The following SEC22A variants were observed in gnomAD, a reference collection of about 807,000 sequenced individuals.
SEC22A encodes the protein vesicle-trafficking protein SEC22a.
SEC22A carries 22 observed loss-of-function variants against 35.3 expected under a neutral mutation model. That is an observed-to-expected ratio of 0.62 (90% CI 0.45 to 0.89). The LOEUF (loss-of-function observed/expected upper bound fraction) is 0.89, where lower values mean the gene tolerates loss of function less well. Ranked by LOEUF, SEC22A falls within the 40% of genes least tolerant of loss-of-function variation. SEC22A has a pLI of 0.00. For synonymous variants in SEC22A, 119 were observed against 129.5 expected (o/e 0.92, Z 0.55); for missense variants, 354 against 362.5 (o/e 0.98, Z 0.19).
chr3:123,213,099 G>C (rs1936966095), intron 2 of SEC22A, among the ~76,000 whole-genome samples: 1 of 152,146 alleles, frequency 6.6e-6, no homozygotes, highest in East Asian at 1.9e-4. Context: ...TCAGAGCCAT[G>C]CATAGAAAAA....
chr3:123,236,711 T>C (rs1244226721), intron 4 of SEC22A, among the ~76,000 whole-genome samples: 2 of 152,202 alleles, frequency 1.3e-5, no homozygotes, highest in African/African-American at 2.4e-5. Context: ...CTTCAAATTA[T>C]GTCTACAACA....
chr3:123,224,042 G>C (rs1937177728), intron 3 of SEC22A, among the ~76,000 whole-genome samples: 1 of 152,170 alleles, frequency 6.6e-6, no homozygotes, highest in African/African-American at 2.4e-5. Context: ...ATGTAGAATA[G>C]GGGATGGCAA....
chr3:123,269,429 T>C (rs1684892400), intron 6 of SEC22A, among the ~76,000 whole-genome samples: 1 of 151,952 alleles, frequency 6.6e-6, no homozygotes, highest in South Asian at 2.1e-4. Context: ...AGACAATAAT[T>C]GCAAAGGGAA....
intron 2 of SEC22A, among the ~76,000 whole-genome samples, chr3:123,218,623 T>G (rs1040920085): frequency 1.3e-5 from 2 of 152,166 alleles, no homozygotes; most frequent in African/African-American, 4.8e-5. Context: ...GAAGATTCAC[T>G]GACCTGAACC....
At position 123,209,340 on chromosome 3, in the gene SEC22A, G is replaced by T; in HGVS notation, c.123G>T (p.Ser41=). The T allele has an allele frequency of 1.9e-6, 3 of 1,613,964 alleles. No homozygotes were observed. The highest frequency in any genetic ancestry group is 2.2e-5 in the East Asian group (1 of 44,856). ...QECRKYFKML[S]RKLAQLPDRC... Reference sequence around the variant, plus strand: ...GCAGAAAGTATTTTAAAATGCTTTCGAGGAAACTTGCTCAACTTCCTGATA... The same window carrying T: ...GCAGAAAGTATTTTAAAATGCTTTCTAGGAAACTTGCTCAACTTCCTGATA... Residue 41 remains serine, a synonymous_variant, in exon 2 of 7, where the codon TCG becomes TCT. Transcript: ENST00000492595.
rs1051440467 is a variant in SEC22A, at chr3:123,264,926, C to T, written c.723+5337C>T. Among the ~76,000 whole-genome samples, 6 of 152,014 alleles carry T rather than the reference C, an allele frequency of 3.9e-5. No individual in the cohort carries two copies. In the East Asian group the frequency reaches 1.2e-3, roughly 29 times the overall value. On this transcript the variant is annotated intron_variant, in intron 6 of 6. Coordinates refer to ENST00000492595, the MANE Select transcript of SEC22A (RefSeq NM_012430.5). ...CCTCCCAAAGCTCTGGGATTATAAG[C>T]GTGAGCCACCGAGCCCGGCCTTGCT...
chr3:123,246,933 T>TGAC, intron 5 of SEC22A, among the ~76,000 whole-genome samples: 1 of 152,330 alleles, frequency 6.6e-6, no homozygotes, highest in African/African-American at 2.4e-5. Flanking sequence ...CAACAGCAGA[T>TGAC]GACATCACAG....
intron 4 of SEC22A, among the ~76,000 whole-genome samples, chr3:123,244,186 A>C (rs1203698016): frequency 6.6e-6 from 1 of 152,214 alleles, no homozygotes; most frequent in Non-Finnish European, 1.5e-5. Flanking sequence ...TGTTAAAATG[A>C]GAAATTATTA....
intron 5 of SEC22A, among the ~76,000 whole-genome samples, chr3:123,250,246 C>A (rs535544612): frequency 6.6e-6 from 1 of 152,150 alleles, no homozygotes; most frequent in South Asian, 2.1e-4. Context: ...CCCGTCTCTA[C>A]TAAAAATACA....
intron 1 of SEC22A, among the ~76,000 whole-genome samples, chr3:123,203,410 TGTA>T (rs1936791581): frequency 2.0e-5 from 3 of 152,268 alleles, no homozygotes; most frequent in South Asian, 2.1e-4. Context: ...AAATATTTAA[TGTA>T]GTGCTTTTAG....
At chr3:123,228,027 C>T (rs1246998693) in intron 4 of SEC22A, among the ~76,000 whole-genome samples, 1 of 151,682 alleles carries the variant, frequency 6.6e-6, no homozygotes, top group Non-Finnish European at 1.5e-5. Context: ...GAAGCTTCCT[C>T]TAGACATGCT....
Position 123,209,221 on chromosome 3 carries a change from T to A in SEC22A, c.4T>A (p.Ser2Thr). The A allele has an allele frequency of 6.2e-7, 1 of 1,614,060 alleles. No individual in the cohort carries two copies. ...TAGGTCTTCTCTGTTGGTTGAAATG[T>A]CTATGATTTTATCTGCCTCAGTCAT... M[S>T]MILSASVIRV... The change falls in exon 2 of 7, where the codon TCT (serine) becomes ACT (threonine). Residue 2 changes from serine to threonine, a missense_variant. Ser to Thr is a moderately conservative substitution (Grantham distance 58, BLOSUM62 1). Transcript: ENST00000492595.
At chr3:123,237,437 A>T (rs951228071) in intron 4 of SEC22A, among the ~76,000 whole-genome samples, 2 of 152,322 alleles carry the variant, frequency 1.3e-5, no homozygotes, top group Middle Eastern at 3.4e-3. Context: ...TCCAAGACAC[A>T]TCCATTTTGG....
chr3:123,232,199 C>G (rs997307600), intron 4 of SEC22A, among the ~76,000 whole-genome samples: 1 of 152,226 alleles, frequency 6.6e-6, no homozygotes, highest in East Asian at 1.9e-4. Context: ...GAGATCACAC[C>G]ACTGCACTCC....
At position 123,220,894 on chromosome 3, in the gene SEC22A, A is replaced by AT. The variant is rs1352819297; in HGVS notation, c.183-2664dup. The stretch of plus-strand genomic sequence containing the variant: ...TATATATATATACATATATATATAT[A>AT]TATGTCACATGTATATATTCACACA... On this transcript the variant is annotated intron_variant, in intron 2 of 6. Coordinates refer to ENST00000492595, the MANE Select transcript of SEC22A (RefSeq NM_012430.5). Among the ~76,000 whole-genome samples the AT allele has an allele frequency of 2.1e-5, 3 of 145,210 alleles. No homozygotes were observed. The East Asian group carries it at 5.9e-4, about 28-fold the overall frequency.
chr3:123,204,411 A>G (rs1158399093), intron 1 of SEC22A, among the ~76,000 whole-genome samples: 1 of 152,246 alleles, frequency 6.6e-6, no homozygotes, highest in Non-Finnish European at 1.5e-5. Flanking sequence ...TGCCCCCAGT[A>G]TAAAATGTTT....
rs541298269 is a variant in SEC22A, at chr3:123,230,018, C to T, written c.541+4721C>T. On this transcript the variant is annotated intron_variant, in intron 4 of 6. Transcript: ENST00000492595. ...ACAGTAAAGGCCCGGTGTGGTGGCT[C>T]ATGCCTGTAATCTTAATACTTTGGG... Among the ~76,000 whole-genome samples the T allele has an allele frequency of 3.9e-5, 6 of 152,096 alleles. No individual in the cohort carries two copies. The East Asian group carries it at 7.7e-4, about 20-fold the overall frequency.
chr3:123,263,099 C>T (rs1326693992), intron 6 of SEC22A, among the ~76,000 whole-genome samples: 2 of 152,214 alleles, frequency 1.3e-5, no homozygotes, highest in Non-Finnish European at 2.9e-5. Flanking sequence ...CTGGCAATTA[C>T]TAACGCATTC....
chr3:123,264,076 A>T (rs1262650067), intron 6 of SEC22A, among the ~76,000 whole-genome samples: 1 of 151,656 alleles, frequency 6.6e-6, no homozygotes, highest in African/African-American at 2.4e-5. Flanking sequence ...TAATTTTCTG[A>T]TTTATTTTTG....
Sources: gnomAD v4.1 joint callset for allele counts (sites outside exome capture counted in the v4.1 genomes callset) on GRCh38, gnomAD v4.1.1 for gene constraint, MANE v1.5 for transcripts, NCBI Gene and HGNC (gene_info 2026-07-23, HGNC 2026-07-21) for gene names.